STIL: variants seen among roughly 807,000 people sequenced by gnomAD.
STIL encodes SCL-interrupting locus protein.
In STIL, 55 loss-of-function variants were observed where a neutral mutation model predicts 110.1. The observed-to-expected ratio is 0.50, with a 90% confidence interval of 0.40 to 0.63. The LOEUF is 0.63. Ranked by LOEUF, STIL falls within the 20% of genes least tolerant of loss-of-function variation. The pLI, the probability that STIL is intolerant of heterozygous loss-of-function variation, is 0.00. For synonymous variants in STIL, 481 were observed against 530.0 expected, an observed-to-expected ratio of 0.91 and a Z score of 1.27; for missense variants, 1,358 against 1,530.0, an observed-to-expected ratio of 0.89 and a Z score of 1.87.
chr1:47,270,426 A>G (rs1184011911), intron 13 of STIL, among the ~76,000 whole-genome samples: 2 of 151,770 alleles, frequency 1.3e-5, no homozygotes, highest in East Asian at 3.9e-4. Flanking sequence ...CTTTTTCAAG[A>G]AGGGTGGCTC....
intron 16 of STIL, among the ~76,000 whole-genome samples, chr1:47,252,242 C>T (rs990753651): frequency 1.3e-5 from 2 of 152,028 alleles, no homozygotes; most frequent in African/African-American, 4.8e-5. Context: ...ATTGGCCAGG[C>T]ATGGTGGTGC....
chr1:47,312,578 A>G (rs1187171874), intron 1 of STIL, among the ~76,000 whole-genome samples: 1 of 152,264 alleles, frequency 6.6e-6, no homozygotes, highest in East Asian at 1.9e-4. Flanking sequence ...GTTGTCATGG[A>G]TAACAGTATT....
intron 1 of STIL, among the ~76,000 whole-genome samples, chr1:47,313,413 C>G (rs111450029): frequency 4.1e-4 from 61 of 150,100 alleles, no homozygotes; most frequent in Admixed American, 1.6e-3. Context: ...CAGCCCCACT[C>G]TATTATTCCA....
intron 6 of STIL, among the ~76,000 whole-genome samples, chr1:47,297,240 G>A (rs1192692955): frequency 6.6e-6 from 1 of 152,020 alleles, no homozygotes; most frequent in East Asian, 1.9e-4. Context: ...TACTTGGGAG[G>A]CTGAGGCAGG....
intron 9 of STIL, 110 bp from the exon 10 acceptor site, chr1:47,287,770 C>T (rs1056756356): frequency 1.2e-6 from 1 of 830,236 alleles, no homozygotes; most frequent in South Asian, 1.5e-5. Flanking sequence ...TGGCAGACTT[C>T]TGATTTCTGT....
chr1:47,290,948 A>G (rs191762058), intron 8 of STIL, among the ~76,000 whole-genome samples: 143 of 152,148 alleles, frequency 9.4e-4, no homozygotes, highest in African/African-American at 3.4e-3. Flanking sequence ...TGAAGATGTA[A>G]CGTGTTGTTT....
intron 12 of STIL, among the ~76,000 whole-genome samples, chr1:47,279,387 A>G (rs947535777): frequency 2.6e-5 from 4 of 151,958 alleles, no homozygotes; most frequent in South Asian, 2.1e-4. Flanking sequence ...GGTTGTTCCC[A>G]TTGGTGCTGG....
At chr1:47,260,058 T>C (rs1233041184) in intron 16 of STIL, among the ~76,000 whole-genome samples, 1 of 152,184 alleles carries the variant, frequency 6.6e-6, no homozygotes, top group Non-Finnish European at 1.5e-5. Flanking sequence ...AAATTACTTA[T>C]GTATGTAACC....
intron 1 of STIL, among the ~76,000 whole-genome samples, chr1:47,311,845 G>C (rs1367874577): frequency 6.6e-6 from 1 of 151,930 alleles, no homozygotes; most frequent in Admixed American, 6.6e-5. Flanking sequence ...TGAGGAGTTC[G>C]AGACCAGCCG....
At chr1:47,307,676 A>G (rs988557557) in intron 2 of STIL, among the ~76,000 whole-genome samples, 1 of 152,262 alleles carries the variant, frequency 6.6e-6, no homozygotes, top group African/African-American at 2.4e-5. Context: ...AAAGAACAGG[A>G]TAACAGCAAT....
At chr1:47,308,905 A>G (rs1440811884) in intron 2 of STIL, among the ~76,000 whole-genome samples, 4 of 152,018 alleles carry the variant, frequency 2.6e-5, no homozygotes, top group Non-Finnish European at 5.9e-5. Flanking sequence ...AATACAAGTT[A>G]GCTGGGCATG....
At chr1:47,263,182 T>G in intron 14 of STIL, 66 bp from the exon 15 acceptor site, 1 of 1,468,218 alleles carries the variant, frequency 6.8e-7, no homozygotes, top group African/African-American at 1.4e-5. Flanking sequence ...ATGTAGTAAC[T>G]TTAGAAAAAA....
chr1:47,301,586 A>G lies in STIL; in HGVS notation c.428T>C (p.Val143Ala), dbSNP rs200768902. 203 of 1,613,796 alleles carry G rather than the reference A, an allele frequency of 1.3e-4. 1 individual carries two copies. Among genetic ancestry groups the G allele is most frequent in the Non-Finnish European group, 1.7e-4 (196 of 1,180,006 alleles). ...CTTTAAAGCTGAACTGAAGTCATCT[A>G]CACTGTGAACTATCATTTCTCTTGA... ...LCSREMIVHS[V>A]DDFSSALKAL... Residue 143 changes from valine (V) to alanine (A), a missense_variant, in exon 5 of 17, where the codon GTA (valine) becomes GCA (alanine). Transcript: ENST00000371877.
chr1:47,290,006 A>T (rs1327567863), intron 8 of STIL, among the ~76,000 whole-genome samples: 1 of 152,124 alleles, frequency 6.6e-6, no homozygotes, highest in East Asian at 1.9e-4. Context: ...ATTTACTGTC[A>T]ATATGAACTT....
intron 6 of STIL, among the ~76,000 whole-genome samples, chr1:47,297,185 T>C (rs1645663851): frequency 6.6e-6 from 1 of 150,876 alleles, no homozygotes; most frequent in Admixed American, 6.6e-5. Flanking sequence ...CTACTAAAAA[T>C]ACAAAAATTA....
At chr1:47,296,299 AG>A (rs1645640349) in intron 6 of STIL, among the ~76,000 whole-genome samples, 1 of 152,204 alleles carries the variant, frequency 6.6e-6, no homozygotes, top group South Asian at 2.1e-4. Flanking sequence ...AATTAGGAGA[AG>A]TATGATCAAC....
chr1:47,304,392 T>C (rs1470637661), intron 3 of STIL, among the ~76,000 whole-genome samples: 4 of 151,944 alleles, frequency 2.6e-5, no homozygotes, highest in African/African-American at 9.7e-5. Flanking sequence ...CTAGGCTGAC[T>C]CAAGGCTCTC....
chr1:47,311,723 C>A (rs181177975), intron 1 of STIL, among the ~76,000 whole-genome samples: 1 of 152,242 alleles, frequency 6.6e-6, no homozygotes, highest in Non-Finnish European at 1.5e-5. Flanking sequence ...TCCTTAGGTC[C>A]TGCACATTCT....
rs1645920748 is a variant in STIL, at chr1:47,305,220, G to A, written c.45-224C>T. 1.6e-5 allele frequency: 7 copies of A among 427,748 alleles called. No homozygotes were observed. In the South Asian group the frequency reaches 1.8e-4, roughly 11 times the overall value. The allele number at this position is 427,748 out of a possible 1,614,324, so 26.5% of individuals were successfully genotyped here. On this transcript the variant is annotated intron_variant, in intron 2 of 16. Transcript: ENST00000371877. ...AGCTCACTGCAACCTCTGCCTCCTG[G>A]GTTCAAGCAATTCCCCTGCCTGAGC...
Sources: allele counts gnomAD v4.1 joint callset (sites outside exome capture counted in the v4.1 genomes callset), GRCh38; gene constraint gnomAD v4.1.1; transcripts MANE v1.5; gene names NCBI Gene and HGNC (gene_info 2026-07-23, HGNC 2026-07-21).